The following LRCH1 variants were observed in gnomAD, a reference collection of about 807,000 sequenced individuals.
LRCH1 encodes the protein leucine-rich repeat and calponin homology domain-containing protein 1.
A neutral mutation model predicts 94.9 loss-of-function variants in LRCH1; 23 were observed. The ratio of observed to expected loss-of-function variants is 0.24; its 90% CI spans 0.17 to 0.34. The LOEUF (loss-of-function observed/expected upper bound fraction) is 0.34, where lower values mean the gene tolerates loss of function less well. Among genes scored for constraint, LRCH1 ranks in the 10% least tolerant of loss-of-function variants. The pLI is 1.00. For missense variants in LRCH1, 790 were observed against 945.9 expected (o/e 0.84, Z 2.16); for synonymous variants, 364 against 354.9 (o/e 1.03, Z -0.29).
intron 13 of LRCH1, among the ~76,000 whole-genome samples, chr13:46,706,638 G>A (rs570411370): frequency 2.0e-5 from 3 of 152,118 alleles, no homozygotes; most frequent in African/African-American, 7.2e-5. Flanking sequence ...GCCCAGGTTA[G>A]TCTCAAACTG....
At chr13:46,724,333 C>G (rs1872715172) in intron 17 of LRCH1, among the ~76,000 whole-genome samples, 1 of 152,186 alleles carries the variant, frequency 6.6e-6, no homozygotes, top group African/African-American at 2.4e-5. Context: ...CTCAGCCTCC[C>G]AAGTAGGTAG....
chr13:46,669,211 C>T, intron 3 of LRCH1, 55 bp downstream of exon 3: 1 of 1,593,728 alleles, frequency 6.3e-7, no homozygotes, highest in Non-Finnish European at 8.5e-7. Flanking sequence ...ATCATAGCCT[C>T]TCAAGGTATT....
chr13:46,657,609 C>T (rs11148012), intron 2 of LRCH1, among the ~76,000 whole-genome samples: 69,885 of 133,318 alleles, frequency 0.52, 18,609 homozygotes, highest in East Asian at 0.63. Context: ...ACTGCAGCCT[C>T]GACCTCCCTG....
chr13:46,589,199 G>A (rs987018690), intron 1 of LRCH1, among the ~76,000 whole-genome samples: 2 of 151,464 alleles, frequency 1.3e-5, no homozygotes, highest in African/African-American at 4.9e-5. Context: ...ACCACACCTG[G>A]CTAATTTTAA....
Position 46,685,947 on chromosome 13 carries a change from A to G in LRCH1, c.728A>G (p.Asn243Ser). ...TTGGTAAAGTTTGACTTTTCCTGCA[A>G]CAAAGTGCTCGTGATTCCAATTTGT... Reference protein sequence around the residue: ...LSLVKFDFSCNKVLVIPICFR... With the variant: ...LSLVKFDFSCSKVLVIPICFR... The change falls in exon 5 of 20, where the codon AAC becomes AGC. Residue 243 changes from asparagine to serine, a missense_variant. By Grantham distance (46) the Asn-to-Ser change is conservative. Coordinates refer to ENST00000389797, the MANE Select transcript of LRCH1 (RefSeq NM_001164211.2). 5 of 1,609,916 alleles carry G rather than the reference A, an allele frequency of 3.1e-6. No individual in the cohort carries two copies. The highest frequency in any genetic ancestry group is 4.2e-6 in the Non-Finnish European group (5 of 1,178,612).
intron 1 of LRCH1, among the ~76,000 whole-genome samples, chr13:46,590,105 G>A (rs527974647): frequency 6.6e-6 from 1 of 152,204 alleles, no homozygotes; most frequent in South Asian, 2.1e-4. Context: ...ATGAGGTAGA[G>A]GAGATTAAGA....
intron 8 of LRCH1, 62 bp from the exon 9 acceptor site, chr13:46,694,831 G>T (rs1269857712): frequency 5.8e-6 from 9 of 1,546,332 alleles, no homozygotes; most frequent in Non-Finnish European, 6.2e-6. Context: ...TTGAAGATCA[G>T]CTGTGTTTTG....
At chr13:46,573,866 A>ATATATATATATATATATATTTTTTTTTT in intron 1 of LRCH1, among the ~76,000 whole-genome samples, 1 of 63,420 alleles carries the variant, frequency 1.6e-5, no homozygotes, top group Non-Finnish European at 3.2e-5. Flanking sequence ...ATATATATAT[A>ATATATATATATATATATATTTTTTTTTT]TTTTTTTTTT....
intron 1 of LRCH1, among the ~76,000 whole-genome samples, chr13:46,645,657 C>G (rs1272657460): frequency 1.3e-5 from 2 of 151,792 alleles, no homozygotes; most frequent in East Asian, 3.9e-4. Flanking sequence ...TCAAACATCT[C>G]AGGTGGTCGT....
At chr13:46,614,151 G>A (rs56191758) in intron 1 of LRCH1, among the ~76,000 whole-genome samples, 24 of 151,924 alleles carry the variant, frequency 1.6e-4, no homozygotes, top group African/African-American at 5.8e-4. Flanking sequence ...TACTATCATA[G>A]CAAATTTGTA....
At chr13:46,667,722 C>A (rs1413178124) in intron 2 of LRCH1, among the ~76,000 whole-genome samples, 7 of 151,896 alleles carry the variant, frequency 4.6e-5, no homozygotes, top group African/African-American at 1.7e-4. Context: ...CAAATAGGAG[C>A]ACTCGTAACA....
intron 1 of LRCH1, among the ~76,000 whole-genome samples, chr13:46,628,737 G>A (rs1215145420): frequency 6.6e-6 from 1 of 151,666 alleles, no homozygotes; most frequent in African/African-American, 2.4e-5. Context: ...CCCTGGTGCA[G>A]TGTGGGGTGC....
At chr13:46,625,631 G>GTTTTTTTTTTTT (rs149512536) in intron 1 of LRCH1, among the ~76,000 whole-genome samples, 1 of 126,266 alleles carries the variant, frequency 7.9e-6, no homozygotes, top group Non-Finnish European at 1.6e-5. Flanking sequence ...AAATGTGTGG[G>GTTTTTTTTTTTT]GTTTTTTTTT....
intron 3 of LRCH1, chr13:46,679,749 C>G (rs2051726119): frequency 6.6e-6 from 1 of 152,248 alleles, no homozygotes; most frequent in African/African-American, 2.4e-5. Context: ...TACAGAGAAG[C>G]TTGGGGAGGT....
intron 16 of LRCH1, among the ~76,000 whole-genome samples, chr13:46,723,005 A>G (rs971538161): frequency 6.6e-6 from 1 of 152,244 alleles, no homozygotes; most frequent in Non-Finnish European, 1.5e-5. Context: ...TCACTGAAAA[A>G]TACAGCTTGT....
intron 2 of LRCH1, among the ~76,000 whole-genome samples, chr13:46,658,227 C>A (rs1375359545): frequency 1.3e-5 from 2 of 152,094 alleles, no homozygotes; most frequent in African/African-American, 4.8e-5. Context: ...CATTCTTTTT[C>A]TTTATCCACT....
intron 1 of LRCH1, among the ~76,000 whole-genome samples, chr13:46,585,791 T>G (rs2050429237): frequency 6.6e-6 from 1 of 151,448 alleles, no homozygotes; most frequent in African/African-American, 2.4e-5. Flanking sequence ...CCTCGGCTAT[T>G]GATGTAATAA....
intron 1 of LRCH1, among the ~76,000 whole-genome samples, chr13:46,629,811 A>AG (rs1463986767): frequency 5.3e-5 from 8 of 152,250 alleles, no homozygotes; most frequent in Non-Finnish European, 1.0e-4. Context: ...CATGAACCAC[A>AG]GTATCAGGGC....
intron 2 of LRCH1, among the ~76,000 whole-genome samples, chr13:46,651,305 T>A (rs1773128): frequency 0.69 from 104,597 of 152,036 alleles, 36,121 homozygotes; most frequent in Middle Eastern, 0.75. Flanking sequence ...TTTAGTTTTG[T>A]TTTTAGTTTT....
Sources: gnomAD v4.1 joint callset for allele counts (sites outside exome capture counted in the v4.1 genomes callset) on GRCh38, gnomAD v4.1.1 for gene constraint, MANE v1.5 for transcripts, NCBI Gene and HGNC (gene_info 2026-07-23, HGNC 2026-07-21) for gene names.